Variants in NAA25 observed in about 807,000 individuals in gnomAD.
The protein encoded by NAA25 is N-alpha-acetyltransferase 25, NatB auxiliary subunit, also known as N-terminal acetyltransferase B complex subunit NAA25.
In NAA25, 30 loss-of-function variants were observed where a neutral mutation model predicts 132.5. The observed-to-expected ratio is 0.23, with a 90% CI of 0.17 to 0.31. The LOEUF is 0.31. Among genes scored for constraint, NAA25 ranks in the 10% least tolerant of loss-of-function variants. NAA25 has a pLI of 1.00. For missense variants in NAA25, 771 were observed against 1,150.4 expected, an observed-to-expected ratio of 0.67 and a Z score of 4.77; for synonymous variants, 359 against 401.9, an observed-to-expected ratio of 0.89 and a Z score of 1.28.
intron 1 of NAA25, among the ~76,000 whole-genome samples, chr12:112,107,798 A>G (rs1361871703): frequency 6.6e-6 from 1 of 152,160 alleles, no homozygotes; most frequent in Non-Finnish European, 1.5e-5. Flanking sequence ...AAAACCATCT[A>G]AGAGGAAAGG....
intron 8 of NAA25, among the ~76,000 whole-genome samples, chr12:112,075,313 C>T (rs910818680): frequency 1.3e-5 from 2 of 151,934 alleles, no homozygotes; most frequent in Admixed American, 6.6e-5. Context: ...CTCAGCTTCC[C>T]GAGGGGCTGG....
chr12:112,040,351 A>G, intron 21 of NAA25, 130 bp downstream of exon 21: 1 of 538,644 alleles, frequency 1.9e-6, no homozygotes, highest in Non-Finnish European at 3.3e-6. Flanking sequence ...ATTGCTTTTC[A>G]ATTAACAAAA....
intron 1 of NAA25, among the ~76,000 whole-genome samples, chr12:112,094,371 T>C (rs904586318): frequency 6.6e-6 from 1 of 152,116 alleles, no homozygotes; most frequent in Admixed American, 6.5e-5. Context: ...TGAGATGACA[T>C]TAATATTTTT....
rs1013514558 is a variant in NAA25, at chr12:112,044,084, C to T, written c.2007-216G>A. Among the ~76,000 whole-genome samples the T allele has an allele frequency of 5.3e-5, 8 of 151,896 alleles. No individual in the cohort carries two copies. The East Asian group carries it at 9.8e-4, about 19-fold the overall frequency. Reference sequence around the variant, plus strand: ...CTGGGCCTACAGGCGCCTGCCACCACGCCCGGCTAATTTTTTTTTTGTATT... The same window carrying T: ...CTGGGCCTACAGGCGCCTGCCACCATGCCCGGCTAATTTTTTTTTTGTATT... On this transcript the variant is annotated intron_variant, in intron 17 of 23. Coordinates refer to ENST00000261745, the MANE Select transcript of NAA25 (RefSeq NM_024953.4).
chr12:112,077,294 G>A (rs899416469), intron 7 of NAA25, among the ~76,000 whole-genome samples: 1 of 151,926 alleles, frequency 6.6e-6, no homozygotes, highest in Non-Finnish European at 1.5e-5. Context: ...CCAACATGTT[G>A]AAACCCCGTC....
In NAA25 at chr12:112,054,497, G is replaced by C; in HGVS notation, c.1519C>G (p.Gln507Glu). 1 of 1,614,132 alleles carries C rather than the reference G, an allele frequency of 6.2e-7. No individual in the cohort carries two copies. Among genetic ancestry groups the C allele is most frequent in the East Asian group, 2.2e-5 (1 of 44,882 alleles). Residue 507 changes from glutamine to glutamate, a missense_variant, in exon 14 of 24, where the codon CAG (glutamine) becomes GAG (glutamate). Coordinates refer to ENST00000261745, the MANE Select transcript of NAA25 (RefSeq NM_024953.4). ...EGLTHSPSNA[Q>E]FKLLLVRIYC... ...ATTCGAACAAGCAGCAATTTGAACT[G>C]AGCATTGGAAGGGCTATGGGTTAAT...
intron 1 of NAA25, among the ~76,000 whole-genome samples, chr12:112,100,428 T>G (rs2079277044): frequency 6.6e-6 from 1 of 152,152 alleles, no homozygotes; most frequent in South Asian, 2.1e-4. Flanking sequence ...CCCAAAGTGC[T>G]GGGATTACAG....
At position 112,081,120 on chromosome 12, in the gene NAA25, T is replaced by C. The variant is rs776271098; in HGVS notation, c.417A>G (p.Leu139=). 1.1e-5 allele frequency: 18 copies of C among 1,612,850 alleles called. No homozygotes were observed. The highest frequency in any genetic ancestry group is 1.5e-5 in the Non-Finnish European group (18 of 1,178,912). The part of the protein sequence containing the change: ...YKKMQQAGMA[L]YKIVPKNPYY... The stretch of plus-strand genomic sequence containing the variant: ...AGGGATTTTTGGGGACAATCTTATA[T>C]AGAGCCATGCCAGCCTAAAAGAGAA... The change falls in exon 5 of 24, where the codon CTA becomes CTG. Residue 139 remains leucine, a synonymous_variant. Coordinates refer to ENST00000261745, the MANE Select transcript of NAA25 (RefSeq NM_024953.4).
chr12:112,042,991 T>TA lies in NAA25; in HGVS notation c.2374+96dup, dbSNP rs2078324080. ...TGCAGAACAGCTTCCAGCTTCCATGTACTCTAAAATTTTCCAGATGTGAGG... is the reference window on the plus strand; with the variant it reads ...TGCAGAACAGCTTCCAGCTTCCATGTAACTCTAAAATTTTCCAGATGTGAGG... On this transcript the variant is annotated intron_variant, in intron 19 of 23. Transcript: ENST00000261745. The TA allele has an allele frequency of 2.5e-6, 3 of 1,208,816 alleles. No homozygotes were observed. In the Admixed American group the frequency reaches 6.9e-5, roughly 28 times the overall value. The allele number at this position is 1,208,816 out of a possible 1,614,324, so 74.9% of individuals were successfully genotyped here.
chr12:112,091,415 G>C (rs2079128025), intron 2 of NAA25, among the ~76,000 whole-genome samples: 2 of 152,022 alleles, frequency 1.3e-5, no homozygotes, highest in Admixed American at 1.3e-4. Context: ...TAGGCCAGGT[G>C]CAATGGCTCA....
chr12:112,047,685 G>GA lies in NAA25; in HGVS notation c.1985dup (p.Ser663GlnfsTer11), dbSNP rs1324340510. On this transcript the variant is annotated frameshift_variant, in exon 17 of 24. Transcript: ENST00000261745. LOFTEE classifies it high-confidence loss of function. ...GTTACCTGTCTTTTGGATCCCAGCT[G>GA]AAAAAAACATTTAAGTCTCTGTTGT... 1.2e-6 allele frequency: 2 copies of GA among 1,612,766 alleles called. No homozygotes were observed. The highest frequency in any genetic ancestry group is 1.7e-6 in the Non-Finnish European group (2 of 1,179,648).
chr12:112,055,743 C>T (rs2078534582), intron 13 of NAA25, among the ~76,000 whole-genome samples: 1 of 151,442 alleles, frequency 6.6e-6, no homozygotes, highest in Admixed American at 6.6e-5. Context: ...AAAAAAAATG[C>T]AAAAGTGATA....
At chr12:112,080,278 C>CAAAAAAAAAAA (rs762037242) in intron 5 of NAA25, among the ~76,000 whole-genome samples, 1 of 51,212 alleles carries the variant, frequency 2.0e-5, no homozygotes, top group Non-Finnish European at 4.4e-5. Context: ...GACTCTGTCT[C>CAAAAAAAAAAA]AAAAAAAAAA....
intron 1 of NAA25, among the ~76,000 whole-genome samples, chr12:112,097,839 C>A (rs1243091814): frequency 6.6e-6 from 1 of 151,862 alleles, no homozygotes; most frequent in Non-Finnish European, 1.5e-5. Context: ...AAGAACCGAG[C>A]AGACCCGGCG....
chr12:112,039,430 G>T (rs1343432602), intron 21 of NAA25, 91 bp from the exon 22 acceptor site: 2 of 746,114 alleles, frequency 2.7e-6, no homozygotes, highest in Non-Finnish European at 4.6e-6. Context: ...AAATTCTAAC[G>T]CAGTTCTTCT....
intron 11 of NAA25, among the ~76,000 whole-genome samples, chr12:112,067,182 G>C (rs2078730530): frequency 6.6e-6 from 1 of 152,032 alleles, no homozygotes; most frequent in African/African-American, 2.4e-5. Context: ...CTGGGCGACA[G>C]AGCGAGAGCA....
intron 15 of NAA25, 66 bp from the exon 16 acceptor site, chr12:112,048,509 C>A (rs2078420653): frequency 7.2e-6 from 10 of 1,394,686 alleles, no homozygotes; most frequent in Non-Finnish European, 9.9e-6. Flanking sequence ...GCAAACCTTG[C>A]CAGCCAAAAC....
At chr12:112,070,725 GAC>G (rs2078792720) in intron 10 of NAA25, among the ~76,000 whole-genome samples, 1 of 151,612 alleles carries the variant, frequency 6.6e-6, no homozygotes, top group Non-Finnish European at 1.5e-5. Flanking sequence ...ACAGGTGCAC[GAC>G]ACCACGCTCA....
chr12:112,053,871 C>G (rs1421280019), intron 14 of NAA25, among the ~76,000 whole-genome samples: 1 of 140,890 alleles, frequency 7.1e-6, no homozygotes, highest in African/African-American at 2.7e-5. Flanking sequence ...TTGTGGGAGA[C>G]CTAAAGTTCT....
Sources: allele counts gnomAD v4.1 joint callset (sites outside exome capture counted in the v4.1 genomes callset), GRCh38; gene constraint gnomAD v4.1.1; transcripts MANE v1.5; gene names NCBI Gene and HGNC (gene_info 2026-07-23, HGNC 2026-07-21).